Variants in UBE2E2 observed in about 807,000 individuals in gnomAD.
UBE2E2 encodes ubiquitin-conjugating enzyme E2 E2.
In UBE2E2, 6 loss-of-function variants were observed where a neutral mutation model predicts 24.7. The ratio of observed to expected loss-of-function variants is 0.24; its 90% CI spans 0.13 to 0.48. The LOEUF (loss-of-function observed/expected upper bound fraction) is 0.48. Among genes scored for constraint, UBE2E2 ranks in the 20% least tolerant of loss-of-function variants. The probability of loss-of-function intolerance (pLI) is 0.99; values close to 1 mark genes in which losing one functional copy is unlikely to be tolerated. For missense variants in UBE2E2, 169 were observed against 245.0 expected, an observed-to-expected ratio of 0.69 and a Z score of 2.07; for synonymous variants, 104 against 83.6, an observed-to-expected ratio of 1.24 and a Z score of -1.33.
chr3:23,417,906 C>T (rs1425485221), intron 3 of UBE2E2, among the ~76,000 whole-genome samples: 1 of 152,146 alleles, frequency 6.6e-6, no homozygotes, highest in Admixed American at 6.5e-5. Context: ...GTGTCCCTCC[C>T]GTGCCCAAGG....
intron 5 of UBE2E2, among the ~76,000 whole-genome samples, chr3:23,571,462 G>C (rs569736178): frequency 6.6e-6 from 1 of 150,850 alleles, no homozygotes; most frequent in South Asian, 2.1e-4. Flanking sequence ...GCTAATTTTT[G>C]TATTTTTAGT....
intron 3 of UBE2E2, among the ~76,000 whole-genome samples, chr3:23,471,417 AGT>A (rs1403780554): frequency 6.6e-5 from 10 of 152,218 alleles, no homozygotes; most frequent in Admixed American, 1.3e-4. Flanking sequence ...CTACAAAATC[AGT>A]GTGGGATCAG....
At chr3:23,425,687 A>G (rs1156919081) in intron 3 of UBE2E2, among the ~76,000 whole-genome samples, 1 of 152,182 alleles carries the variant, frequency 6.6e-6, no homozygotes, top group African/African-American at 2.4e-5. Flanking sequence ...GGCTCAGGAT[A>G]TACAAGCTTG....
At chr3:23,357,386 C>G (rs1351653932) in intron 3 of UBE2E2, among the ~76,000 whole-genome samples, 1 of 151,708 alleles carries the variant, frequency 6.6e-6, no homozygotes, top group African/African-American at 2.4e-5. Flanking sequence ...GATGCCAGTG[C>G]CTGGAGATAT....
chr3:23,367,213 TATG>T (rs1257178787), intron 3 of UBE2E2, among the ~76,000 whole-genome samples: 2 of 152,232 alleles, frequency 1.3e-5, no homozygotes, highest in Non-Finnish European at 2.9e-5. Context: ...AACCAATCTT[TATG>T]ATAGAATGGC....
intron 3 of UBE2E2, among the ~76,000 whole-genome samples, chr3:23,350,477 A>G (rs1695710526): frequency 1.3e-5 from 2 of 152,304 alleles, no homozygotes; most frequent in East Asian, 3.9e-4. Context: ...CAAAGAAGTA[A>G]AAAACTTTGA....
intron 5 of UBE2E2, among the ~76,000 whole-genome samples, chr3:23,573,347 A>G (rs190835918): frequency 3.3e-5 from 5 of 152,336 alleles, no homozygotes; most frequent in Admixed American, 3.3e-4. Context: ...ATATTAAAGA[A>G]AGATGGACTG....
rs11333992 is a variant in UBE2E2, at chr3:23,258,900, G to GAAA, written c.227+41610_227+41612dup. Among the ~76,000 whole-genome samples the GAAA allele has an allele frequency of 4.7e-4, 37 of 78,920 alleles. 1 individual carries two copies. The highest frequency in any genetic ancestry group is 5.7e-4 in the South Asian group (1 of 1,758). 51.8% of individuals were successfully genotyped at this position (78,920 alleles called of 152,430 possible). ...AGAGAGAGACTCTGTCTCAAAAAAA[G>GAAA]AAAAAAAAAAAAAAAAAAAAAAAAG... On this transcript the variant is annotated intron_variant, in intron 3 of 5. Transcript: ENST00000396703.
chr3:23,583,992 C>G lies in UBE2E2; in HGVS notation c.509-5742C>G, dbSNP rs1003010386. Reference sequence around the variant, plus strand: ...TGAGAGAGGGCATCCTTGATTTGTTCTGGATTTCAAAAGGGGTATGCTTCT... The same window carrying G: ...TGAGAGAGGGCATCCTTGATTTGTTGTGGATTTCAAAAGGGGTATGCTTCT... On this transcript the variant is annotated intron_variant, in intron 5 of 5. Transcript: ENST00000396703. The surrounding 1 kb of genome is among the most constrained non-coding windows in gnomAD (Gnocchi z 4.1). Among the ~76,000 whole-genome samples the G allele has an allele frequency of 6.6e-6, 1 of 152,114 alleles. No homozygotes were observed. Among genetic ancestry groups the G allele is most frequent in the African/African-American group, 2.4e-5 (1 of 41,406 alleles).
At chr3:23,352,090 C>T (rs4858511) in intron 3 of UBE2E2, among the ~76,000 whole-genome samples, 67,249 of 151,952 alleles carry the variant, frequency 0.44, 15,177 homozygotes, top group Admixed American at 0.56. Flanking sequence ...CACTCAAAAC[C>T]GTGCAACTAC....
At chr3:23,351,740 C>T (rs907832835) in intron 3 of UBE2E2, among the ~76,000 whole-genome samples, 2 of 152,130 alleles carry the variant, frequency 1.3e-5, no homozygotes, top group African/African-American at 2.4e-5. Flanking sequence ...AAAGCAAGTC[C>T]TTAGTGACAT....
At position 23,332,716 on chromosome 3, in the gene UBE2E2, T is replaced by C. The variant is rs147319279; in HGVS notation, c.227+115404T>C. 9.5e-3 allele frequency among the ~76,000 whole-genome samples: 1,396 copies of C among 146,280 alleles called. 21 individuals carry two copies. The highest frequency in any genetic ancestry group is 0.084 in the East Asian group (423 of 5,032). ...GTGTGTGTGTGTGTGTGTGTGTGTG[T>C]GTGCAGCTATGGATATCTCTCTAGG... On this transcript the variant is annotated intron_variant, in intron 3 of 5. Coordinates refer to ENST00000396703, the MANE Select transcript of UBE2E2 (RefSeq NM_152653.4).
intron 3 of UBE2E2, among the ~76,000 whole-genome samples, chr3:23,379,804 A>G (rs1696620708): frequency 6.6e-6 from 1 of 152,164 alleles, no homozygotes. Context: ...AAAGTAGGGC[A>G]GGTAAGCTCT....
At chr3:23,271,269 CTTCAGATG>C (rs1479029447) in intron 3 of UBE2E2, 3 of 318,892 alleles carry the variant, frequency 9.4e-6, no homozygotes, top group Non-Finnish European at 1.8e-5. Flanking sequence ...GAGTTTGTTC[CTTCAGATG>C]TTCAGATGTT....
intron 3 of UBE2E2, among the ~76,000 whole-genome samples, chr3:23,235,750 G>T (rs557608704): frequency 6.6e-6 from 1 of 152,244 alleles, no homozygotes; most frequent in African/African-American, 2.4e-5. Flanking sequence ...GAAATCATGG[G>T]GTTGGGTTTG....
chr3:23,395,628 C>T (rs1697055874), intron 3 of UBE2E2, among the ~76,000 whole-genome samples: 1 of 152,140 alleles, frequency 6.6e-6, no homozygotes, highest in Non-Finnish European at 1.5e-5. Context: ...TTTTGGAAGT[C>T]ATACCTCTTT....
intron 3 of UBE2E2, among the ~76,000 whole-genome samples, chr3:23,333,136 C>G (rs1432173520): frequency 6.6e-6 from 1 of 152,124 alleles, no homozygotes; most frequent in Non-Finnish European, 1.5e-5. Context: ...ACCTAATGCC[C>G]TGCAAGGCTC....
intron 4 of UBE2E2, among the ~76,000 whole-genome samples, chr3:23,527,604 T>C (rs1454011436): frequency 5.9e-5 from 9 of 152,078 alleles, no homozygotes; most frequent in Non-Finnish European, 1.2e-4. Context: ...GATTAGAGGG[T>C]TGGAACTTTC....
intron 3 of UBE2E2, among the ~76,000 whole-genome samples, chr3:23,497,288 A>T (rs1211822852): frequency 6.6e-6 from 1 of 152,210 alleles, no homozygotes; most frequent in Non-Finnish European, 1.5e-5. Context: ...GGTTTACGGT[A>T]TTGCACAAAC....
Sources: gnomAD v4.1 joint callset for allele counts (sites outside exome capture counted in the v4.1 genomes callset) on GRCh38, gnomAD v4.1.1 for gene constraint, Gnocchi (gnomAD v3.1) non-coding constraint, MANE v1.5 for transcripts, NCBI Gene and HGNC (gene_info 2026-07-23, HGNC 2026-07-21) for gene names.